Variants in SRBD1 observed in about 807,000 individuals in gnomAD.
SRBD1 encodes the protein S1 RNA-binding domain-containing protein 1.
A neutral mutation model predicts 115.3 loss-of-function variants in SRBD1; 88 were observed. The observed-to-expected ratio is 0.76, with a 90% CI of 0.64 to 0.91. SRBD1 has a LOEUF of 0.91. Ranked by LOEUF, SRBD1 falls within the 40% of genes least tolerant of loss-of-function variation. SRBD1 has a pLI of 0.00. For missense variants in SRBD1, 1,385 were observed against 1,177.4 expected, an observed-to-expected ratio of 1.18 and a Z score of -2.58; for synonymous variants, 509 against 407.7, an observed-to-expected ratio of 1.25 and a Z score of -2.99.
intron 7 of SRBD1, among the ~76,000 whole-genome samples, chr2:45,577,701 T>G (rs1673223298): frequency 6.6e-6 from 1 of 152,112 alleles, no homozygotes; most frequent in Admixed American, 6.6e-5. Flanking sequence ...AATATTTCTT[T>G]CAGGAATGAT....
intron 9 of SRBD1, among the ~76,000 whole-genome samples, chr2:45,566,402 A>C (rs1672832318): frequency 6.6e-6 from 1 of 152,248 alleles, no homozygotes; most frequent in Non-Finnish European, 1.5e-5. Flanking sequence ...ACTAATACAT[A>C]CCATAACAGA....
At chr2:45,488,218 G>A (rs771861658) in intron 15 of SRBD1, 22 bp downstream of exon 15, 14 of 1,599,228 alleles carry the variant, frequency 8.8e-6, no homozygotes, top group Non-Finnish European at 1.1e-5. Context: ...ACATGTTTTT[G>A]TGATGGTCCA....
At chr2:45,472,547 G>C (rs776490572) in intron 16 of SRBD1, among the ~76,000 whole-genome samples, 8 of 152,148 alleles carry the variant, frequency 5.3e-5, no homozygotes, top group African/African-American at 9.7e-5. Context: ...GCAAAGGCAT[G>C]ATCATTGCTC....
At chr2:45,436,075 T>G (rs894105062) in intron 16 of SRBD1, among the ~76,000 whole-genome samples, 2 of 151,648 alleles carry the variant, frequency 1.3e-5, no homozygotes, top group Admixed American at 6.6e-5. Context: ...ATATAATATA[T>G]CTCAGGTATG....
intron 3 of SRBD1, 106 bp from the exon 4 acceptor site, chr2:45,599,941 C>T (rs574088624): frequency 7.9e-7 from 1 of 1,268,864 alleles, no homozygotes; most frequent in African/African-American, 1.5e-5. Context: ...CACACAATAA[C>T]TTGGAAGAAT....
At chr2:45,557,245 G>A (rs1281753058) in intron 10 of SRBD1, among the ~76,000 whole-genome samples, 5 of 152,284 alleles carry the variant, frequency 3.3e-5, no homozygotes, top group South Asian at 4.1e-4. Context: ...TGACGAGGTA[G>A]GAGAGAGAAC....
chr2:45,498,776 T>C (rs2103885958), intron 14 of SRBD1, among the ~76,000 whole-genome samples: 1 of 152,298 alleles, frequency 6.6e-6, no homozygotes, highest in South Asian at 2.1e-4. Context: ...TTATTTCAGT[T>C]AGCATAATGG....
Position 45,599,972 on chromosome 2 carries a change from T to A in SRBD1, c.262-137A>T, listed in dbSNP as rs371108100. On this transcript the variant is annotated intron_variant, in intron 3 of 20. Coordinates refer to ENST00000263736, the MANE Select transcript of SRBD1 (RefSeq NM_018079.5). ...AGAATCTCAAGTAAATTATGTTGAG[T>A]GGGAAAAAAAGCCAATCTCAAAGTT... 3.7e-6 allele frequency: 4 copies of A among 1,081,188 alleles called. 1 individual carries two copies. Among genetic ancestry groups the A allele is most frequent in the South Asian group, 3.4e-5 (2 of 59,006 alleles). 67.0% of individuals were successfully genotyped at this position (1,081,188 alleles called of 1,614,324 possible). A position where few individuals can be genotyped will look rare whatever the true frequency, so the allele number is the denominator to read the frequency against.
At chr2:45,538,021 A>C (rs1671818849) in intron 14 of SRBD1, among the ~76,000 whole-genome samples, 1 of 152,192 alleles carries the variant, frequency 6.6e-6, no homozygotes, top group Non-Finnish European at 1.5e-5. Flanking sequence ...ATGGGCCTGC[A>C]GGAAGAAGTG....
chr2:45,395,357 C>G lies in SRBD1; in HGVS notation c.2514-2228G>C, dbSNP rs1210991418. 2.6e-5 allele frequency among the ~76,000 whole-genome samples: 4 copies of G among 152,244 alleles called. No individual in the cohort carries two copies. In the South Asian group the frequency reaches 8.3e-4, roughly 32 times the overall value. ...TGAGTCTATCTTAAGGTTGCTTGCA[C>G]ATGTGTATGTGTGTGTGTGAGACAG... On this transcript the variant is annotated intron_variant, in intron 19 of 20. Transcript: ENST00000263736.
At position 45,389,160 on chromosome 2, in the gene SRBD1, A is replaced by G. The variant is rs1666926635; in HGVS notation, c.*150T>C. The G allele has an allele frequency of 4.2e-6, 4 of 950,044 alleles. No homozygotes were observed. Among genetic ancestry groups the G allele is most frequent in the Non-Finnish European group, 6.1e-6 (4 of 653,272 alleles). The allele number at this position is 950,044 out of a possible 1,614,324, so 58.9% of individuals were successfully genotyped here. A position where few individuals can be genotyped will look rare whatever the true frequency, so the allele number is the denominator to read the frequency against. Reference sequence around the variant, plus strand: ...ACTGTTGGTTTTCTATTTATTCAGAAGAAAAAATAAAGGAAAGTGTTTGGA... The same window carrying G: ...ACTGTTGGTTTTCTATTTATTCAGAGGAAAAAATAAAGGAAAGTGTTTGGA... On this transcript the variant is annotated 3_prime_UTR_variant, in exon 21 of 21. Transcript: ENST00000263736.
At chr2:45,395,558 A>G (rs1667120881) in intron 19 of SRBD1, among the ~76,000 whole-genome samples, 2 of 152,228 alleles carry the variant, frequency 1.3e-5, no homozygotes, top group Non-Finnish European at 1.5e-5. Context: ...TGAAATCAAT[A>G]AAAAAGCACC....
rs1350738831 is a variant in SRBD1, at chr2:45,393,056, G to A, written c.2587C>T (p.Leu863Phe). The change falls in exon 20 of 21, where the codon CTT becomes TTT. Residue 863 changes from leucine to phenylalanine, a missense_variant. By Grantham distance (22) the Leu-to-Phe change is conservative. Coordinates refer to ENST00000263736, the MANE Select transcript of SRBD1 (RefSeq NM_018079.5). The stretch of plus-strand genomic sequence containing the variant: ...ATTTTCTCCATTCCTTCCTTTTCAA[G>A]GAATGAATTTATTTTTTGTTGCATT... ...PEMQQKINSFLEKEGMEKIAE... is the reference protein window; with the variant it reads ...PEMQQKINSFFEKEGMEKIAE... 2 of 1,613,866 alleles carry A rather than the reference G, an allele frequency of 1.2e-6. No homozygotes were observed. Among genetic ancestry groups the A allele is most frequent in the Non-Finnish European group, 1.7e-6 (2 of 1,179,916 alleles).
Position 45,542,294 on chromosome 2 carries a change from G to A in SRBD1, c.1874+4438C>T, listed in dbSNP as rs563957016. 5.9e-5 allele frequency among the ~76,000 whole-genome samples: 9 copies of A among 152,378 alleles called. No individual in the cohort carries two copies. The South Asian group carries it at 1.7e-3, about 28-fold the overall frequency. On this transcript the variant is annotated intron_variant, in intron 14 of 20. Coordinates refer to ENST00000263736, the MANE Select transcript of SRBD1 (RefSeq NM_018079.5). ...AACTTTGCTCTGTTCTGGAGCGGGT[G>A]CTGGGAGCAGGGAGAGGCCAGGGAG...
intron 14 of SRBD1, among the ~76,000 whole-genome samples, chr2:45,489,606 T>C (rs1194771550): frequency 1.3e-5 from 2 of 152,122 alleles, no homozygotes; most frequent in Non-Finnish European, 2.9e-5. Context: ...TTTTTCATCA[T>C]CACCATCATC....
intron 16 of SRBD1, among the ~76,000 whole-genome samples, chr2:45,471,556 T>G (rs909424601): frequency 1.2e-4 from 19 of 152,150 alleles, no homozygotes; most frequent in African/African-American, 4.6e-4. Flanking sequence ...AAGAAATGCA[T>G]TTTTACAAGT....
intron 14 of SRBD1, among the ~76,000 whole-genome samples, chr2:45,540,541 T>C (rs1319146031): frequency 6.6e-6 from 1 of 151,924 alleles, no homozygotes; most frequent in African/African-American, 2.4e-5. Context: ...TTCTCAAAAC[T>C]AAAATTTTTG....
chr2:45,578,082 A>T (rs1395955016), intron 7 of SRBD1, among the ~76,000 whole-genome samples: 1 of 152,212 alleles, frequency 6.6e-6, no homozygotes, highest in Non-Finnish European at 1.5e-5. Flanking sequence ...CCCAGTAGGA[A>T]CTCAGTGTAT....
chr2:45,470,763 C>G (rs1558417066), intron 16 of SRBD1, among the ~76,000 whole-genome samples: 1 of 152,092 alleles, frequency 6.6e-6, no homozygotes, highest in Non-Finnish European at 1.5e-5. Flanking sequence ...CACTTTCCAG[C>G]AAAGTCTTTA....
Sources: gnomAD v4.1 joint callset for allele counts (sites outside exome capture counted in the v4.1 genomes callset) on GRCh38, gnomAD v4.1.1 for gene constraint, MANE v1.5 for transcripts, NCBI Gene and HGNC (gene_info 2026-07-23, HGNC 2026-07-21) for gene names.